Variants in DEFB118 observed in about 807,000 individuals in gnomAD.
DEFB118 encodes the protein defensin beta 118, also known as defensin, beta 18.
Under a neutral mutation model 2.8 loss-of-function variants are expected in DEFB118, and 3 were observed. The ratio of observed to expected loss-of-function variants is 1.09; its 90% confidence interval spans 0.50 to 2.82. DEFB118 has a LOEUF of 2.82. Ranked by LOEUF, DEFB118 falls within the 30% of genes most tolerant of loss-of-function variation. DEFB118 has a pLI of 0.04. For synonymous variants in DEFB118, 63 were observed against 53.5 expected, an observed-to-expected ratio of 1.18 and a Z score of -0.78; for missense variants, 159 against 144.6, an observed-to-expected ratio of 1.10 and a Z score of -0.51.
At position 31,373,296 on chromosome 20, in the gene DEFB118, C is replaced by T. The variant is rs187041124; in HGVS notation, c.*126C>T. The T allele has an allele frequency of 1.5e-5, 13 of 838,824 alleles. No homozygotes were observed. Among genetic ancestry groups the T allele is most frequent in the East Asian group, 8.0e-5 (3 of 37,524 alleles). The allele number at this position is 838,824 out of a possible 1,614,324, so 52.0% of individuals were successfully genotyped here. ...CAATATGTAATTCTATTAATAGAAACAGCTGTGTAAAGAAGTCTAAAATTT... is the reference window on the plus strand; with the variant it reads ...CAATATGTAATTCTATTAATAGAAATAGCTGTGTAAAGAAGTCTAAAATTT... On this transcript the variant is annotated 3_prime_UTR_variant, in exon 2 of 2. Transcript: ENST00000253381.
At chr20:31,370,571 C>T (rs1233681660) in intron 1 of DEFB118, among the ~76,000 whole-genome samples, 1 of 152,078 alleles carries the variant, frequency 6.6e-6, no homozygotes, top group Non-Finnish European at 1.5e-5. Flanking sequence ...AGTCTTGATG[C>T]TTTATCTTAA....
In DEFB118 at chr20:31,372,729, G is replaced by T. The variant is rs6058898; in HGVS notation, c.59-128G>T. 1.7e-3 allele frequency: 1,201 copies of T among 699,562 alleles called. 12 individuals are homozygous for T. The African/African-American group carries it at 0.019, about 11-fold the overall frequency. The allele number at this position is 699,562 out of a possible 1,614,324, so 43.3% of individuals were successfully genotyped here. ...GTTGAGTATTTGCCAGACCTGAGGTGGGAGTCTTGCAGCTGTCATCTAATT... is the reference window on the plus strand; with the variant it reads ...GTTGAGTATTTGCCAGACCTGAGGTTGGAGTCTTGCAGCTGTCATCTAATT... On this transcript the variant is annotated intron_variant, in intron 1 of 1. Transcript: ENST00000253381.
chr20:31,368,803 G>A, intron 1 of DEFB118, 95 bp downstream of exon 1: 2 of 1,199,754 alleles, frequency 1.7e-6, no homozygotes, highest in Non-Finnish European at 2.4e-6. Flanking sequence ...AACATGGGCA[G>A]CTCCACAGTT....
In DEFB118 at chr20:31,370,978, G is replaced by A. The variant is rs1986201588; in HGVS notation, c.59-1879G>A. Among the ~76,000 whole-genome samples, 8 of 151,884 alleles carry A rather than the reference G, an allele frequency of 5.3e-5. No homozygotes were observed. In the South Asian group the frequency reaches 1.5e-3, roughly 28 times the overall value. On this transcript the variant is annotated intron_variant, in intron 1 of 1. Transcript: ENST00000253381. ...ATTGGCCAGGCTAGTTTCAAACTCC[G>A]GACCTCAAGTGATCCACTCGCCTCA...
chr20:31,373,686 C>G lies in DEFB118; in HGVS notation c.*516C>G, dbSNP rs1986254834. On this transcript the variant is annotated 3_prime_UTR_variant, in exon 2 of 2. Coordinates refer to ENST00000253381, the MANE Select transcript of DEFB118 (RefSeq NM_054112.3). Reference sequence around the variant, plus strand: ...CTCTCACTGTAGGAAATTGGCCGCCCCAGGTGTGAGCTATGAAGACTCCTT... The same window carrying G: ...CTCTCACTGTAGGAAATTGGCCGCCGCAGGTGTGAGCTATGAAGACTCCTT... The G allele has an allele frequency of 6.3e-6, 1 of 158,632 alleles. No homozygotes were observed. Among genetic ancestry groups the G allele is most frequent in the South Asian group, 1.8e-4 (1 of 5,500 alleles). The allele number at this position is 158,632 out of a possible 1,614,324, so 9.8% of individuals were successfully genotyped here.
At chr20:31,368,943 C>CTTTCT (rs1986164579) in intron 1 of DEFB118, among the ~76,000 whole-genome samples, 1 of 152,188 alleles carries the variant, frequency 6.6e-6, no homozygotes, top group Non-Finnish European at 1.5e-5. Context: ...GCCTAAGAAA[C>CTTTCT]TAGGGGAAAG....
At chr20:31,369,116 A>T (rs1009894395) in intron 1 of DEFB118, among the ~76,000 whole-genome samples, 8 of 152,224 alleles carry the variant, frequency 5.3e-5, no homozygotes. Context: ...GTCAGAAAAC[A>T]CTGGTAGAGC....
intron 1 of DEFB118, among the ~76,000 whole-genome samples, chr20:31,369,302 G>A (rs950128533): frequency 4.0e-5 from 6 of 151,164 alleles, no homozygotes; most frequent in Non-Finnish European, 7.4e-5. Context: ...ATGTATGATC[G>A]AACTTACATA....
intron 1 of DEFB118, among the ~76,000 whole-genome samples, chr20:31,370,917 C>T (rs1986200589): frequency 6.6e-6 from 1 of 151,790 alleles, no homozygotes. Context: ...AGCCTGGCTA[C>T]TTTTTGTATT....
At position 31,373,134 on chromosome 20, in the gene DEFB118, T is replaced by A. The variant is rs755550076; in HGVS notation, c.336T>A (p.Thr112=). 1 of 1,613,846 alleles carries A rather than the reference T, an allele frequency of 6.2e-7. No homozygotes were observed. Among genetic ancestry groups the A allele is most frequent in the Non-Finnish European group, 8.5e-7 (1 of 1,179,990 alleles). ...MVEESEAGRG[T]ETSLPNVHHS... ...AAGAGTCTGAGGCGGGAAGGGGAAC[T>A]GAGACCTCTCTTCCAAATGTTCACC... Residue 112 remains threonine (T), a synonymous_variant, in exon 2 of 2, where the codon ACT becomes ACA. Transcript: ENST00000253381.
chr20:31,372,920 G>C lies in DEFB118; in HGVS notation c.122G>C (p.Gly41Ala), dbSNP rs754074105. Reference protein sequence around the residue: ...SGHCRKQCKDGEAVKDTCKNL... With the variant: ...SGHCRKQCKDAEAVKDTCKNL... ...CACTGCAGGAAACAATGCAAAGATG[G>C]AGAAGCAGTGAAAGATACATGCAAA... The change falls in exon 2 of 2, where the codon GGA becomes GCA. Residue 41 changes from glycine to alanine, a missense_variant. Coordinates refer to ENST00000253381, the MANE Select transcript of DEFB118 (RefSeq NM_054112.3). The C allele has an allele frequency of 1.2e-6, 2 of 1,614,162 alleles. No individual in the cohort carries two copies. Among genetic ancestry groups the C allele is most frequent in the Non-Finnish European group, 1.7e-6 (2 of 1,180,018 alleles).
At position 31,372,014 on chromosome 20, in the gene DEFB118, C is replaced by T. The variant is rs1366058535; in HGVS notation, c.59-843C>T. 6.6e-5 allele frequency among the ~76,000 whole-genome samples: 10 copies of T among 152,276 alleles called. No individual in the cohort carries two copies. The East Asian group carries it at 1.9e-3, about 29-fold the overall frequency. On this transcript the variant is annotated intron_variant, in intron 1 of 1. Coordinates refer to ENST00000253381, the MANE Select transcript of DEFB118 (RefSeq NM_054112.3). The stretch of plus-strand genomic sequence containing the variant: ...GTTCCATCCAAGTTGCTGCAAAAGA[C>T]ATTATTTTGTTCCTTTTTATGGATG...
rs142729979 is a variant in DEFB118, at chr20:31,372,998, C to T, written c.200C>T (p.Ala67Val). ...PSNEDHRRVP[A>V]TSPTPLSDST... is the part of the protein sequence containing the mutation. ...AATGAAGACCACAGGCGAGTTCCTG[C>T]GACATCTCCCACACCCTTGAGTGAC... The change falls in exon 2 of 2, where the codon GCG becomes GTG. Residue 67 changes from alanine (A) to valine (V), a missense_variant. Coordinates refer to ENST00000253381, the MANE Select transcript of DEFB118 (RefSeq NM_054112.3). The T allele has an allele frequency of 3.3e-5, 54 of 1,614,030 alleles. No individual in the cohort carries two copies. The highest frequency in any genetic ancestry group is 1.8e-4 in the Admixed American group (11 of 60,002).
chr20:31,369,385 GTTTTT>G (rs71185357), intron 1 of DEFB118, among the ~76,000 whole-genome samples: 4 of 103,916 alleles, frequency 3.8e-5, no homozygotes, highest in African/African-American at 1.5e-4. Flanking sequence ...GCACTCTTGT[GTTTTT>G]TTTTTTTTTT....
intron 1 of DEFB118, 100 bp from the exon 2 acceptor site, chr20:31,372,757 G>T: frequency 2.3e-6 from 2 of 884,492 alleles, no homozygotes; most frequent in South Asian, 1.7e-5. Flanking sequence ...ATCTAATTAT[G>T]ATCCACAGTG....
Position 31,368,726 on chromosome 20 carries a change from A to G in DEFB118, c.58+18A>G. 1 of 1,611,530 alleles carries G rather than the reference A, an allele frequency of 6.2e-7. No individual in the cohort carries two copies. The highest frequency in any genetic ancestry group is 8.5e-7 in the Non-Finnish European group (1 of 1,178,004). The stretch of plus-strand genomic sequence containing the variant: ...GATCCCAGGTAATCAGAGGTCAGGG[A>G]AGATACAAAAATAGAGGTATAGTGG... On this transcript the variant is annotated intron_variant, in intron 1 of 1. Coordinates refer to ENST00000253381, the MANE Select transcript of DEFB118 (RefSeq NM_054112.3).
chr20:31,373,350 T>A lies in DEFB118; in HGVS notation c.*180T>A. On this transcript the variant is annotated 3_prime_UTR_variant, in exon 2 of 2. Transcript: ENST00000253381. The stretch of plus-strand genomic sequence containing the variant: ...CTATTTCCAATGATAAACTCTTCAG[T>A]GCTCTTCTTGAAATGTCACATTATT... 1.7e-6 allele frequency: 1 copy of A among 590,260 alleles called. No homozygotes were observed. The allele number at this position is 590,260 out of a possible 1,614,324, so 36.6% of individuals were successfully genotyped here.
intron 1 of DEFB118, among the ~76,000 whole-genome samples, chr20:31,369,672 G>T (rs765925703): frequency 3.9e-5 from 6 of 151,954 alleles, no homozygotes; most frequent in African/African-American, 7.3e-5. Flanking sequence ...TTACAGGCAT[G>T]AGCCACCGCA....
chr20:31,372,960 C>T lies in DEFB118; in HGVS notation c.162C>T (p.Cys54=). The T allele has an allele frequency of 6.2e-7, 1 of 1,614,196 alleles. No individual in the cohort carries two copies. The highest frequency in any genetic ancestry group is 8.5e-7 in the Non-Finnish European group (1 of 1,180,038). Residue 54 remains cysteine (C), a synonymous_variant, in exon 2 of 2, where the codon TGC becomes TGT. Transcript: ENST00000253381. ...VKDTCKNLRA[C]CIPSNEDHRR... is the part of the protein sequence containing the mutation. ...ATACATGCAAAAATCTTCGAGCTTG[C>T]TGCATTCCATCCAATGAAGACCACA...
Sources: allele counts gnomAD v4.1 joint callset (sites outside exome capture counted in the v4.1 genomes callset), GRCh38; gene constraint gnomAD v4.1.1; transcripts MANE v1.5; gene names NCBI Gene and HGNC (gene_info 2026-07-23, HGNC 2026-07-21).